The following RAP1GAP2 variants were observed in gnomAD, a reference collection of about 807,000 sequenced individuals.
RAP1GAP2 encodes rap1 GTPase-activating protein 2.
A neutral mutation model predicts 95.0 loss-of-function variants in RAP1GAP2; 27 were observed. The observed-to-expected ratio is 0.28, with a 90% CI of 0.21 to 0.39. The LOEUF is 0.39. Ranked by LOEUF, RAP1GAP2 falls within the 10% of genes least tolerant of loss-of-function variation. The pLI, the probability that RAP1GAP2 is intolerant of heterozygous loss-of-function variation, is 1.00. For missense variants in RAP1GAP2, 771 were observed against 970.0 expected, an observed-to-expected ratio of 0.79 and a Z score of 2.72; for synonymous variants, 373 against 380.9, an observed-to-expected ratio of 0.98 and a Z score of 0.24.
At chr17:3,000,306 C>T (rs1597837752) in intron 14 of RAP1GAP2, among the ~76,000 whole-genome samples, 1 of 152,256 alleles carries the variant, frequency 6.6e-6, no homozygotes, top group Admixed American at 6.5e-5. Flanking sequence ...TCACTTCAAA[C>T]AGCTGCTCGA....
intron 8 of RAP1GAP2, among the ~76,000 whole-genome samples, chr17:2,979,651 G>A (rs1026179448): frequency 1.3e-5 from 2 of 151,714 alleles, no homozygotes; most frequent in African/African-American, 2.4e-5. Context: ...ATTTTTAGTA[G>A]AGACGGGGTT....
chr17:2,953,832 A>G (rs957027228), intron 3 of RAP1GAP2, among the ~76,000 whole-genome samples: 2 of 152,162 alleles, frequency 1.3e-5, no homozygotes, highest in African/African-American at 2.4e-5. Context: ...GGGTGAAAAG[A>G]GCGAAACTCC....
chr17:2,849,761 G>T (rs976474303), intron 2 of RAP1GAP2, among the ~76,000 whole-genome samples: 1 of 152,164 alleles, frequency 6.6e-6, no homozygotes, highest in African/African-American at 2.4e-5. Context: ...CATAAGTTGG[G>T]TGAGGTGAGA....
In RAP1GAP2 at chr17:3,035,058, C is replaced by G. The variant is rs1477014012; in HGVS notation, c.*1697C>G. On this transcript the variant is annotated 3_prime_UTR_variant, in exon 25 of 25. Transcript: ENST00000254695. This position sits in a 1 kb window ranked among gnomAD's most constrained non-coding sequence, Gnocchi z 4.3. ...TCAAGCAACATTGTGATCTTTCTTC[C>G]CCGCCACGTGTGTGGGAATGATTGA... 2 of 151,498 alleles carry G rather than the reference C, an allele frequency of 1.3e-5. No individual in the cohort carries two copies. Among genetic ancestry groups the G allele is most frequent in the African/African-American group, 4.9e-5 (2 of 40,954 alleles). The allele number at this position is 151,498 out of a possible 1,614,324, so 9.4% of individuals were successfully genotyped here.
chr17:2,755,849 G>C (rs982062522), intron 1 of RAP1GAP2: 2 of 338,304 alleles, frequency 5.9e-6, no homozygotes, highest in African/African-American at 4.3e-5. Context: ...GCGGGGCGCG[G>C]GCCCAAAGTT....
At chr17:2,800,839 CT>C (rs2069258133) in intron 2 of RAP1GAP2, among the ~76,000 whole-genome samples, 1 of 77,992 alleles carries the variant, frequency 1.3e-5, no homozygotes, top group East Asian at 3.0e-4. Flanking sequence ...TTTTCTTTTT[CT>C]TTCTTTCTTT....
intron 2 of RAP1GAP2, 41 bp downstream of exon 2, chr17:2,800,591 G>A (rs781021762): frequency 1.3e-5 from 20 of 1,595,044 alleles, no homozygotes; most frequent in South Asian, 4.5e-5. Context: ...CAGAGATGAC[G>A]CGGATCAGAG....
intron 2 of RAP1GAP2, among the ~76,000 whole-genome samples, chr17:2,895,348 G>A (rs1482953937): frequency 6.6e-6 from 1 of 152,140 alleles, no homozygotes; most frequent in Non-Finnish European, 1.5e-5. Context: ...GTGTAGCACC[G>A]TGGTAAACGC....
At chr17:2,852,343 TG>T (rs1426959867) in intron 2 of RAP1GAP2, among the ~76,000 whole-genome samples, 6 of 110,380 alleles carry the variant, frequency 5.4e-5, no homozygotes, top group East Asian at 2.6e-4. Context: ...GGGGTGGGGG[TG>T]GGGGTGGGGG....
chr17:2,974,492 C>T (rs2045020344), intron 8 of RAP1GAP2, among the ~76,000 whole-genome samples: 1 of 152,022 alleles, frequency 6.6e-6, no homozygotes, highest in African/African-American at 2.4e-5. Flanking sequence ...CTGAAGGATA[C>T]ACTTCAGTCA....
At chr17:2,835,981 G>A (rs894198656) in intron 2 of RAP1GAP2, among the ~76,000 whole-genome samples, 3 of 152,170 alleles carry the variant, frequency 2.0e-5, no homozygotes, top group Non-Finnish European at 2.9e-5. Flanking sequence ...AGGACTGTGC[G>A]CAGACCGCCC....
intron 1 of RAP1GAP2, among the ~76,000 whole-genome samples, chr17:2,789,606 C>CT (rs2068871557): frequency 1.7e-5 from 1 of 60,278 alleles, no homozygotes. Context: ...ACAGTCTCTA[C>CT]TAAAAAAAAA....
At chr17:2,973,486 A>G (rs1320512770) in intron 8 of RAP1GAP2, among the ~76,000 whole-genome samples, 1 of 152,230 alleles carries the variant, frequency 6.6e-6, no homozygotes, top group Non-Finnish European at 1.5e-5. Context: ...ACTGCACTCC[A>G]GCCTGGGTCA....
At chr17:2,961,916 A>T (rs868307424) in intron 4 of RAP1GAP2, among the ~76,000 whole-genome samples, 5,211 of 84,758 alleles carry the variant, frequency 0.061, 215 homozygotes, top group African/African-American at 0.17. Context: ...TTTTTTTTTA[A>T]TTTGAGACGG....
chr17:2,872,647 G>T (rs1044437014), intron 2 of RAP1GAP2, among the ~76,000 whole-genome samples: 1 of 151,742 alleles, frequency 6.6e-6, no homozygotes, highest in Non-Finnish European at 1.5e-5. Context: ...AAGCCACTCC[G>T]TTTTTGATAC....
rs140200357 is a variant in RAP1GAP2, at chr17:2,950,018, A to G, written c.166-7741A>G. On this transcript the variant is annotated intron_variant, in intron 3 of 24. Coordinates refer to ENST00000254695, the MANE Select transcript of RAP1GAP2 (RefSeq NM_015085.5). ...CTGTGCCAGCCCCAGGCCATGGGGC[A>G]TCTTCATTCAGACCCATTTCTTTTC... Among the ~76,000 whole-genome samples the G allele has an allele frequency of 4.0e-3, 598 of 150,442 alleles. 5 individuals are homozygous for G. Among genetic ancestry groups the G allele is most frequent in the African/African-American group, 0.014 (576 of 41,092 alleles).
Position 2,950,593 on chromosome 17 carries a change from C to CTATT in RAP1GAP2, c.166-7164_166-7161dup, listed in dbSNP as rs1227493613. Among the ~76,000 whole-genome samples the CTATT allele has an allele frequency of 1.1e-4, 16 of 144,420 alleles. No homozygotes were observed. In the East Asian group the frequency reaches 3.3e-3, roughly 30 times the overall value. 94.7% of individuals were successfully genotyped at this position (144,420 alleles called of 152,430 possible). A position where few individuals can be genotyped will look rare whatever the true frequency, so the allele number is the denominator to read the frequency against. On this transcript the variant is annotated intron_variant, in intron 3 of 24. Transcript: ENST00000254695. ...TGCCTAAGAGCGCTGAAGTCAGGAA[C>CTATT]TATTTGCTTCAATTTTTTTTTTTTT...
chr17:2,995,513 A>G, intron 13 of RAP1GAP2, 47 bp downstream of exon 13: 1 of 1,608,776 alleles, frequency 6.2e-7, no homozygotes, highest in Non-Finnish European at 8.5e-7. Context: ...GGGCGAGGTG[A>G]GGGCCTGCCT....
chr17:2,766,576 C>T (rs540857274), intron 1 of RAP1GAP2, among the ~76,000 whole-genome samples: 3 of 151,992 alleles, frequency 2.0e-5, no homozygotes, highest in Non-Finnish European at 2.9e-5. Flanking sequence ...CGCCATTGCA[C>T]TCCAGCTCAG....
Sources: allele counts gnomAD v4.1 joint callset (sites outside exome capture counted in the v4.1 genomes callset), GRCh38; gene constraint gnomAD v4.1.1; non-coding constraint Gnocchi (gnomAD v3.1); transcripts MANE v1.5; gene names NCBI Gene and HGNC (gene_info 2026-07-23, HGNC 2026-07-21).